The following PRMT8 variants were observed in gnomAD, a reference collection of about 807,000 sequenced individuals.
PRMT8 encodes the protein protein arginine methyltransferase 8.
In PRMT8, 7 loss-of-function variants were observed where a neutral mutation model predicts 47.1. That is an observed-to-expected ratio of 0.15 (90% CI 0.08 to 0.28). The LOEUF is 0.28. Ranked by LOEUF, PRMT8 falls within the 10% of genes least tolerant of loss-of-function variation. The pLI is 1.00. For missense variants in PRMT8, 237 were observed against 505.4 expected, an observed-to-expected ratio of 0.47 and a Z score of 5.09; for synonymous variants, 188 against 186.5, an observed-to-expected ratio of 1.01 and a Z score of -0.07.
intron 1 of PRMT8, among the ~76,000 whole-genome samples, chr12:3,389,625 GTATAA>G (rs1342176791): frequency 3.9e-5 from 6 of 152,200 alleles, no homozygotes; most frequent in Non-Finnish European, 8.8e-5. Flanking sequence ...GAGGGGAAGC[GTATAA>G]TATGACACCA....
At chr12:3,473,218 C>T (rs1685026894) in intron 1 of PRMT8, among the ~76,000 whole-genome samples, 1 of 152,138 alleles carries the variant, frequency 6.6e-6, no homozygotes, top group South Asian at 2.1e-4. Context: ...TTTCACAGCT[C>T]CCCTCTCCCC....
At chr12:3,384,313 CA>C (rs1864120104) in intron 1 of PRMT8, among the ~76,000 whole-genome samples, 2 of 148,902 alleles carry the variant, frequency 1.3e-5, no homozygotes, top group Admixed American at 1.3e-4. Context: ...TGGATTTTGT[CA>C]AATGTTTTTC....
chr12:3,422,659 T>C (rs1864556638), intron 1 of PRMT8, among the ~76,000 whole-genome samples: 1 of 152,206 alleles, frequency 6.6e-6, no homozygotes, highest in South Asian at 2.1e-4. Context: ...AGCTTTTCCA[T>C]ACAATGTCTG....
intron 1 of PRMT8, among the ~76,000 whole-genome samples, chr12:3,392,996 T>G (rs1433595369): frequency 6.6e-6 from 1 of 152,234 alleles, no homozygotes; most frequent in Non-Finnish European, 1.5e-5. Context: ...GTTTTTTGGC[T>G]GCATAAATGT....
At chr12:3,568,371 G>A (rs1036042725) in intron 4 of PRMT8, among the ~76,000 whole-genome samples, 13 of 139,782 alleles carry the variant, frequency 9.3e-5, no homozygotes, top group African/African-American at 2.9e-4. Context: ...CTGCGTGTTC[G>A]TGGACCTGTG....
rs145298538 is a variant in PRMT8, at chr12:3,572,845, C to T, written c.712+3281C>T. Among the ~76,000 whole-genome samples, 7 of 152,316 alleles carry T rather than the reference C, an allele frequency of 4.6e-5. No individual in the cohort carries two copies. The highest frequency in any genetic ancestry group is 1.7e-4 in the African/African-American group (7 of 41,562). On this transcript the variant is annotated intron_variant, in intron 6 of 9. Transcript: ENST00000382622. This position sits in a 1 kb window ranked among gnomAD's most constrained non-coding sequence, Gnocchi z 5.9. Reference sequence around the variant, plus strand: ...GGGGTGGTGAGGGAGGATGTAGCTACAGCTCTCTGCAATCAGAAATCACAT... The same window carrying T: ...GGGGTGGTGAGGGAGGATGTAGCTATAGCTCTCTGCAATCAGAAATCACAT...
intron 1 of PRMT8, among the ~76,000 whole-genome samples, chr12:3,407,346 C>T (rs965835423): frequency 2.7e-5 from 4 of 149,664 alleles, no homozygotes; most frequent in Non-Finnish European, 5.9e-5. Flanking sequence ...TTGGGTATAG[C>T]ATTCTAGTAT....
At chr12:3,444,501 A>G (rs1591551669) in intron 1 of PRMT8, among the ~76,000 whole-genome samples, 1 of 152,050 alleles carries the variant, frequency 6.6e-6, no homozygotes, top group African/African-American at 2.4e-5. Flanking sequence ...TTTTTGCAAA[A>G]CCTGACACTC....
chr12:3,498,595 G>A (rs1223406784), intron 1 of PRMT8, among the ~76,000 whole-genome samples: 4 of 152,086 alleles, frequency 2.6e-5, no homozygotes, highest in Non-Finnish European at 5.9e-5. Flanking sequence ...ATCCCTAGGC[G>A]TGGGTTCCTA....
intron 1 of PRMT8, among the ~76,000 whole-genome samples, chr12:3,452,620 T>C (rs1032761175): frequency 5.9e-5 from 9 of 152,126 alleles, no homozygotes; most frequent in African/African-American, 2.2e-4. Context: ...CATCTCAGGA[T>C]TGTCACCTGC....
chr12:3,535,963 C>T lies in PRMT8; in HGVS notation c.76-4643C>T, dbSNP rs116962870. 1.6e-3 allele frequency among the ~76,000 whole-genome samples: 239 copies of T among 152,290 alleles called. 3 individuals are homozygous for T. The East Asian group carries it at 0.032, about 20-fold the overall frequency. ...CTGACTTTACAGAGGAGACCACTGT[C>T]ATCCCCCAAGACCTATCCCCTGTGC... On this transcript the variant is annotated intron_variant, in intron 1 of 9. Coordinates refer to ENST00000382622, the MANE Select transcript of PRMT8 (RefSeq NM_019854.5). The surrounding 1 kb of genome is among the most constrained non-coding windows in gnomAD (Gnocchi z 4.7).
At chr12:3,464,822 C>G (rs1865076044) in intron 1 of PRMT8, among the ~76,000 whole-genome samples, 1 of 152,070 alleles carries the variant, frequency 6.6e-6, no homozygotes, top group African/African-American at 2.4e-5. Context: ...CATGGGAAAC[C>G]TGGGTAGGAA....
At chr12:3,402,052 G>A (rs564433655) in intron 1 of PRMT8, among the ~76,000 whole-genome samples, 1 of 152,296 alleles carries the variant, frequency 6.6e-6, no homozygotes, top group East Asian at 1.9e-4. Context: ...AACAAAGCTG[G>A]AGGCATCACC....
chr12:3,435,857 C>T (rs1386596506), intron 1 of PRMT8, among the ~76,000 whole-genome samples: 1 of 152,166 alleles, frequency 6.6e-6, no homozygotes, highest in African/African-American at 2.4e-5. Flanking sequence ...CTCTGAACCG[C>T]TCAGGCTTGT....
At chr12:3,511,126 T>C (rs567964992) in intron 1 of PRMT8, among the ~76,000 whole-genome samples, 1 of 152,232 alleles carries the variant, frequency 6.6e-6, no homozygotes, top group South Asian at 2.1e-4. Context: ...ATTTTGCTCT[T>C]ATAACCTCAC....
At chr12:3,390,800 G>A (rs143577607) in intron 1 of PRMT8, among the ~76,000 whole-genome samples, 12 of 152,270 alleles carry the variant, frequency 7.9e-5, no homozygotes, top group East Asian at 1.9e-4. Flanking sequence ...TTTGCTGTTC[G>A]TTAGATTATA....
intron 4 of PRMT8, among the ~76,000 whole-genome samples, chr12:3,559,347 G>C (rs556820821): frequency 6.6e-6 from 1 of 152,162 alleles, no homozygotes; most frequent in South Asian, 2.1e-4. Context: ...TCCAATTAGT[G>C]GACCACAGCA....
At chr12:3,460,373 G>A (rs1160651181) in intron 1 of PRMT8, among the ~76,000 whole-genome samples, 1 of 152,200 alleles carries the variant, frequency 6.6e-6, no homozygotes, top group Non-Finnish European at 1.5e-5. Flanking sequence ...GTGAGATCAT[G>A]GACATCACCG....
chr12:3,428,002 A>G (rs531257697), intron 1 of PRMT8, among the ~76,000 whole-genome samples: 8 of 152,332 alleles, frequency 5.3e-5, no homozygotes, highest in Admixed American at 4.6e-4. Context: ...TGAGATTTCA[A>G]TTATCCTTTG....
Sources: allele counts gnomAD v4.1 joint callset (sites outside exome capture counted in the v4.1 genomes callset), GRCh38; gene constraint gnomAD v4.1.1; non-coding constraint Gnocchi (gnomAD v3.1); transcripts MANE v1.5; gene names NCBI Gene and HGNC (gene_info 2026-07-23, HGNC 2026-07-21).